The following RBMS2 variants were observed in gnomAD, a reference collection of about 807,000 sequenced individuals.
The protein encoded by RBMS2 is RNA binding motif single stranded interacting protein 2.
In RBMS2, 38 loss-of-function variants were observed where a neutral mutation model predicts 58.4. The observed-to-expected ratio is 0.65, with a 90% confidence interval of 0.50 to 0.85. The LOEUF (loss-of-function observed/expected upper bound fraction) is 0.85. Among genes scored for constraint, RBMS2 ranks in the 40% least tolerant of loss-of-function variants. The pLI, the probability that RBMS2 is intolerant of heterozygous loss-of-function variation, is 0.00. For synonymous variants in RBMS2, 151 were observed against 180.7 expected (o/e 0.84, Z 1.32); for missense variants, 367 against 503.7 (o/e 0.73, Z 2.60).
In RBMS2 at chr12:56,587,624, C is replaced by A; in HGVS notation, c.1022C>A (p.Thr341Asn). The A allele has an allele frequency of 6.2e-7, 1 of 1,613,874 alleles. No individual in the cohort carries two copies. The highest frequency in any genetic ancestry group is 8.5e-7 in the Non-Finnish European group (1 of 1,179,788). ...CCTGCCTCCATGATGGGACCCCTTA[C>A]CCAGCAACTGGGCCATCTCTCCCTC... The part of the protein sequence containing the change: ...LQPASMMGPL[T>N]QQLGHLSLSS... Residue 341 changes from threonine to asparagine, a missense_variant, in exon 11 of 14, where the codon ACC becomes AAC. Around this residue, in one of 3 missense-constraint regions of RBMS2, gnomAD observed 220 missense variants for 261.1 expected, o/e 0.84. Coordinates refer to ENST00000262031, the MANE Select transcript of RBMS2 (RefSeq NM_002898.4).
At position 56,522,072 on chromosome 12, in the gene RBMS2, A is replaced by G. The variant is rs1011482042; in HGVS notation, c.49A>G (p.Asn17Asp). ...GCCCGGGATTTCGACTTTTGGCTACAATAGAAACAACAAGAAGGTAGGGAA... is the reference window on the plus strand; with the variant it reads ...GCCCGGGATTTCGACTTTTGGCTACGATAGAAACAACAAGAAGGTAGGGAA... ...SRPGISTFGYNRNNKKPYVSL... is the reference protein window; with the variant it reads ...SRPGISTFGYDRNNKKPYVSL... Residue 17 changes from asparagine to aspartate, a missense_variant, in exon 1 of 14, where the codon AAT becomes GAT. Transcript: ENST00000262031. 1.9e-6 allele frequency: 3 copies of G among 1,599,014 alleles called. No individual in the cohort carries two copies. Among genetic ancestry groups the G allele is most frequent in the Admixed American group, 1.7e-5 (1 of 59,378 alleles).
At position 56,587,599 on chromosome 12, in the gene RBMS2, C is replaced by T; in HGVS notation, c.997C>T (p.Pro333Ser). 1.2e-6 allele frequency: 2 copies of T among 1,614,096 alleles called. No individual in the cohort carries two copies. Among genetic ancestry groups the T allele is most frequent in the South Asian group, 1.1e-5 (1 of 91,068 alleles). The stretch of plus-strand genomic sequence containing the variant: ...GATGGACCATCCCATTTCTCTCCAG[C>T]CTGCCTCCATGATGGGACCCCTTAC... Reference protein sequence around the residue: ...PGMDHPISLQPASMMGPLTQQ... With the variant: ...PGMDHPISLQSASMMGPLTQQ... Residue 333 changes from proline (P) to serine (S), a missense_variant, in exon 11 of 14, where the codon CCT (proline) becomes TCT (serine). By Grantham distance (74) the Pro-to-Ser change is moderately conservative. This residue lies in a region of RBMS2 where 220 missense variants were observed against 261.1 expected (regional missense o/e 0.84). Transcript: ENST00000262031.
At chr12:56,557,831 C>G (rs576130125) in intron 1 of RBMS2, among the ~76,000 whole-genome samples, 48 of 149,750 alleles carry the variant, frequency 3.2e-4, no homozygotes, top group African/African-American at 1.2e-3. Flanking sequence ...CTCTGCCTCC[C>G]AGGTTCAAGC....
chr12:56,582,878 C>T (rs1884162412), intron 9 of RBMS2, among the ~76,000 whole-genome samples: 1 of 152,092 alleles, frequency 6.6e-6, no homozygotes, highest in African/African-American at 2.4e-5. Context: ...CCATGTTGGC[C>T]AGACTGGTCT....
At chr12:56,570,828 C>T (rs1882176639) in intron 4 of RBMS2, among the ~76,000 whole-genome samples, 3 of 152,214 alleles carry the variant, frequency 2.0e-5, no homozygotes, top group South Asian at 4.1e-4. Context: ...CCGCCCACCT[C>T]AGCCTTCCAA....
At chr12:56,571,963 C>T (rs1334507806) in intron 5 of RBMS2, 108 bp downstream of exon 5, 1 of 1,150,982 alleles carries the variant, frequency 8.7e-7, no homozygotes, top group Non-Finnish European at 1.2e-6. Context: ...AAATACTTTA[C>T]TATTATTCAA....
At chr12:56,539,561 A>G in intron 1 of RBMS2, 2 of 350,470 alleles carry the variant, frequency 5.7e-6, no homozygotes, top group Non-Finnish European at 1.1e-5. Context: ...ATATGCTATG[A>G]TAATAGTTCC....
intron 1 of RBMS2, 115 bp from the exon 2 acceptor site, chr12:56,562,302 C>A: frequency 2.0e-6 from 2 of 995,460 alleles, no homozygotes; most frequent in Non-Finnish European, 3.0e-6. Flanking sequence ...CAAGTGAGTG[C>A]ACATTTGTGA....
At chr12:56,531,585 T>C (rs1196724383) in intron 1 of RBMS2, among the ~76,000 whole-genome samples, 2 of 151,976 alleles carry the variant, frequency 1.3e-5, no homozygotes, top group African/African-American at 2.4e-5. Context: ...TCCCAGCACT[T>C]TGGGAGGCTG....
intron 2 of RBMS2, among the ~76,000 whole-genome samples, chr12:56,564,722 C>A (rs548064399): frequency 6.6e-5 from 10 of 152,280 alleles, no homozygotes; most frequent in South Asian, 4.1e-4. Flanking sequence ...GCCTGTAATT[C>A]CAGCACTTTG....
At chr12:56,567,444 G>GAAGAAGAAGA (rs1565763069) in intron 2 of RBMS2, among the ~76,000 whole-genome samples, 1 of 151,100 alleles carries the variant, frequency 6.6e-6, no homozygotes, top group Admixed American at 6.6e-5. Flanking sequence ...AGGAGAGGAA[G>GAAGAAGAAGA]AAGAAGAAGA....
At chr12:56,534,007 T>C (rs560195553) in intron 1 of RBMS2, among the ~76,000 whole-genome samples, 1 of 152,108 alleles carries the variant, frequency 6.6e-6, no homozygotes, top group Non-Finnish European at 1.5e-5. Flanking sequence ...AGTTTGAAAA[T>C]CATACTGCTA....
intron 10 of RBMS2, among the ~76,000 whole-genome samples, 191 bp downstream of exon 10, chr12:56,587,117 A>G (rs928463970): frequency 6.6e-6 from 1 of 152,226 alleles, no homozygotes; most frequent in Admixed American, 6.5e-5. Context: ...AATGCCAAAA[A>G]TTAGCCAGGT....
chr12:56,567,579 G>A (rs746814395), intron 2 of RBMS2, among the ~76,000 whole-genome samples: 1 of 152,170 alleles, frequency 6.6e-6, no homozygotes, highest in African/African-American at 2.4e-5. Flanking sequence ...GCTCTCAGCT[G>A]TAATCCTAGC....
At chr12:56,549,135 A>C (rs1404258146) in intron 1 of RBMS2, among the ~76,000 whole-genome samples, 1 of 152,058 alleles carries the variant, frequency 6.6e-6, no homozygotes, top group Non-Finnish European at 1.5e-5. Context: ...AGTAGCTGGG[A>C]TCACAGATGT....
chr12:56,575,253 C>A (rs1446950914), intron 5 of RBMS2, among the ~76,000 whole-genome samples: 1 of 150,528 alleles, frequency 6.6e-6, no homozygotes, highest in Non-Finnish European at 1.5e-5. Context: ...ACATGTGAAA[C>A]CCCATCTCTA....
At chr12:56,562,706 G>T in intron 2 of RBMS2, 123 bp downstream of exon 2, 1 of 1,121,080 alleles carries the variant, frequency 8.9e-7, no homozygotes, top group Non-Finnish European at 1.3e-6. Flanking sequence ...TCCTGTCTCA[G>T]TAGCTGGGAT....
chr12:56,537,398 G>A (rs978486627), intron 1 of RBMS2, among the ~76,000 whole-genome samples: 1 of 152,046 alleles, frequency 6.6e-6, no homozygotes, highest in South Asian at 2.1e-4. Flanking sequence ...TTTCTGTCTC[G>A]ATGAATTTGA....
At chr12:56,521,509 T>G (rs112343057), upstream of RBMS2, among the ~76,000 whole-genome samples, 3 of 145,928 alleles carry the variant, frequency 2.1e-5, no homozygotes, top group East Asian at 2.0e-4. Context: ...TCTGTTTTTT[T>G]TTTTTTTTTT....
Sources: gnomAD v4.1 joint callset for allele counts (sites outside exome capture counted in the v4.1 genomes callset) on GRCh38, gnomAD v4.1.1 for gene constraint, gnomAD v4.1.1 regional missense constraint, MANE v1.5 for transcripts, NCBI Gene and HGNC (gene_info 2026-07-23, HGNC 2026-07-21) for gene names.